COL25A1: variants seen among roughly 807,000 people sequenced by gnomAD.
COL25A1 encodes collagen type XXV alpha 1 chain, also known as collagen alpha-1(XXV) chain.
A neutral mutation model predicts 128.4 loss-of-function variants in COL25A1; 103 were observed. That is an observed-to-expected ratio of 0.80 (90% CI 0.68 to 0.94). The LOEUF (loss-of-function observed/expected upper bound fraction) is 0.94, where lower values mean the gene tolerates loss of function less well. COL25A1 is among the 40% of genes least tolerant of loss of function. The pLI is 0.00. For synonymous variants in COL25A1, 279 were observed against 277.2 expected, an observed-to-expected ratio of 1.01 and a Z score of -0.06; for missense variants, 745 against 840.0, an observed-to-expected ratio of 0.89 and a Z score of 1.40.
intron 3 of COL25A1, among the ~76,000 whole-genome samples, chr4:109,074,201 A>G (rs1021334416): frequency 6.6e-6 from 1 of 152,172 alleles, no homozygotes; most frequent in Non-Finnish European, 1.5e-5. Context: ...GGTGGGGCTC[A>G]GGTAGTAATG....
chr4:109,099,575 TAAAAC>T (rs1306962728), intron 3 of COL25A1, among the ~76,000 whole-genome samples: 4 of 149,962 alleles, frequency 2.7e-5, no homozygotes, highest in African/African-American at 9.8e-5. Context: ...ATATTAGACA[TAAAAC>T]AAGGTGGGAA....
chr4:109,197,454 A>G (rs1469248080), intron 3 of COL25A1, among the ~76,000 whole-genome samples: 4 of 117,712 alleles, frequency 3.4e-5, no homozygotes, highest in Non-Finnish European at 6.9e-5. Context: ...TATATATTAT[A>G]TATAAATATT....
intron 3 of COL25A1, among the ~76,000 whole-genome samples, chr4:109,117,640 T>C (rs930242770): frequency 1.3e-5 from 2 of 152,014 alleles, no homozygotes; most frequent in African/African-American, 4.8e-5. Flanking sequence ...TAACAAATGC[T>C]ACTTTATTCA....
intron 3 of COL25A1, among the ~76,000 whole-genome samples, chr4:109,149,293 A>C (rs1298079012): frequency 1.3e-5 from 2 of 152,194 alleles, no homozygotes; most frequent in African/African-American, 4.8e-5. Context: ...TGATTAAAGA[A>C]AAGTTGAAAA....
intron 5 of COL25A1, among the ~76,000 whole-genome samples, chr4:109,021,126 T>A (rs956673998): frequency 2.6e-5 from 4 of 152,338 alleles, no homozygotes; most frequent in South Asian, 2.1e-4. Context: ...TTGTTGGCAT[T>A]TTTTGGATAT....
At chr4:109,147,104 C>A (rs1268382097) in intron 3 of COL25A1, among the ~76,000 whole-genome samples, 1 of 152,202 alleles carries the variant, frequency 6.6e-6, no homozygotes. Flanking sequence ...AGACCGTTGG[C>A]AACATTTGCA....
chr4:109,293,154 C>A (rs1464309455), intron 3 of COL25A1, among the ~76,000 whole-genome samples: 1 of 151,992 alleles, frequency 6.6e-6, no homozygotes, highest in Non-Finnish European at 1.5e-5. Flanking sequence ...AGAAATGGAT[C>A]AATTTTCCTG....
intron 8 of COL25A1, among the ~76,000 whole-genome samples, chr4:108,973,986 T>C (rs1254925400): frequency 6.6e-6 from 1 of 152,194 alleles, no homozygotes; most frequent in Non-Finnish European, 1.5e-5. Context: ...CAATAGCACG[T>C]AAGGTTTAAC....
chr4:109,246,669 G>T (rs1409342429), intron 3 of COL25A1, among the ~76,000 whole-genome samples: 3 of 151,840 alleles, frequency 2.0e-5, no homozygotes, highest in Non-Finnish European at 4.4e-5. Context: ...CTAAAAAATT[G>T]ACTCTACTAT....
intron 36 of COL25A1, 136 bp from the exon 37 acceptor site, chr4:108,817,571 C>A: frequency 1.5e-6 from 1 of 653,988 alleles, no homozygotes; most frequent in Non-Finnish European, 2.6e-6. Flanking sequence ...TACTAATTAG[C>A]AACTCCCGAT....
At chr4:109,067,803 A>G (rs1445705744) in intron 3 of COL25A1, among the ~76,000 whole-genome samples, 1 of 152,222 alleles carries the variant, frequency 6.6e-6, no homozygotes. Context: ...ACAGGAGGAA[A>G]AGATGGAAGA....
chr4:109,001,893 C>T (rs1364490021), intron 6 of COL25A1, among the ~76,000 whole-genome samples: 1 of 151,982 alleles, frequency 6.6e-6, no homozygotes, highest in East Asian at 1.9e-4. Flanking sequence ...ATTAAAAGTA[C>T]TATCACAAGA....
intron 11 of COL25A1, among the ~76,000 whole-genome samples, chr4:108,929,056 A>C (rs187804384): frequency 6.6e-6 from 1 of 152,298 alleles, no homozygotes; most frequent in Non-Finnish European, 1.5e-5. Context: ...GATTTCTTCT[A>C]AACCTTTTAT....
At chr4:108,999,518 G>A (rs1340587423) in intron 6 of COL25A1, among the ~76,000 whole-genome samples, 3 of 152,150 alleles carry the variant, frequency 2.0e-5, no homozygotes, top group Non-Finnish European at 4.4e-5. Context: ...ACTGTTGGTT[G>A]GACTGTAAAC....
At chr4:108,865,569 G>A (rs894196012) in intron 20 of COL25A1, among the ~76,000 whole-genome samples, 10 of 152,168 alleles carry the variant, frequency 6.6e-5, no homozygotes, top group Admixed American at 5.2e-4. Context: ...ACCCTGTTGA[G>A]TGAGACTAAG....
chr4:109,227,306 C>CA (rs1235380133), intron 3 of COL25A1, among the ~76,000 whole-genome samples: 1 of 151,966 alleles, frequency 6.6e-6, no homozygotes, highest in South Asian at 2.1e-4. Flanking sequence ...ATTATTTACA[C>CA]AATTTACACC....
intron 13 of COL25A1, among the ~76,000 whole-genome samples, chr4:108,914,684 T>C (rs1744660759): frequency 8.9e-6 from 1 of 112,114 alleles, no homozygotes; most frequent in Non-Finnish European, 1.8e-5. Context: ...TGAGACAGGG[T>C]CTCACTATGT....
At chr4:109,226,783 A>T (rs984582032) in intron 3 of COL25A1, among the ~76,000 whole-genome samples, 1 of 152,190 alleles carries the variant, frequency 6.6e-6, no homozygotes, top group East Asian at 1.9e-4. Context: ...ACATGGCAGA[A>T]CACGTGATAG....
intron 3 of COL25A1, among the ~76,000 whole-genome samples, chr4:109,199,849 G>A (rs1227279509): frequency 6.6e-6 from 1 of 152,158 alleles, no homozygotes; most frequent in East Asian, 1.9e-4. Context: ...AAATGCTCAA[G>A]AAGAAGCCTG....
Sources: gnomAD v4.1 joint callset for allele counts (sites outside exome capture counted in the v4.1 genomes callset) on GRCh38, gnomAD v4.1.1 for gene constraint, MANE v1.5 for transcripts, NCBI Gene and HGNC (gene_info 2026-07-23, HGNC 2026-07-21) for gene names.